CHST4: variants seen among roughly 807,000 people sequenced by gnomAD.
CHST4 encodes carbohydrate sulfotransferase 4, also known as GST-3.
For missense variants in CHST4, 466 were observed against 506.0 expected (o/e 0.92, Z 0.76); for synonymous variants, 171 against 195.5 (o/e 0.87, Z 1.05).
intron 1 of CHST4, among the ~76,000 whole-genome samples, chr16:71,535,875 G>A (rs1158293460): frequency 6.6e-6 from 1 of 152,148 alleles, no homozygotes; most frequent in African/African-American, 2.4e-5. Context: ...TGGTCCCATG[G>A]GATGACACCA....
intron 1 of CHST4, among the ~76,000 whole-genome samples, chr16:71,534,125 C>A (rs2043969374): frequency 6.6e-6 from 1 of 151,780 alleles, no homozygotes; most frequent in South Asian, 2.1e-4. Context: ...GGCTGGCAGG[C>A]ACTCCTTTCC....
chr16:71,533,205 A>G (rs887382030), intron 1 of CHST4, among the ~76,000 whole-genome samples: 2 of 152,076 alleles, frequency 1.3e-5, no homozygotes, highest in African/African-American at 4.8e-5. Context: ...CGGGCAGACA[A>G]CTTGAGGTCA....
In CHST4 at chr16:71,537,822, C is replaced by T. The variant is rs2044004825; in HGVS notation, c.1145C>T (p.Pro382Leu). ...GATCTTCTGTCTACCTGGACTGTCC[C>T]TGAGCAAATCCACTAAGAGGGTTGA... ...LLDLLSTWTV[P>L]EQIH Residue 382 changes from proline to leucine, a missense_variant, in exon 2 of 2, where the codon CCT becomes CTT. By Grantham distance (98) the Pro-to-Leu change is moderately conservative. Coordinates refer to ENST00000539698, the MANE Select transcript of CHST4 (RefSeq NM_001166395.2). This position sits in a 1 kb window ranked among gnomAD's most constrained non-coding sequence, Gnocchi z 4.2. 1 of 1,611,068 alleles carries T rather than the reference C, an allele frequency of 6.2e-7. No individual in the cohort carries two copies. The highest frequency in any genetic ancestry group is 8.5e-7 in the Non-Finnish European group (1 of 1,178,856).
rs2044009240 is a variant in CHST4 at position 71,538,294 on chromosome 16, G to A, written c.*456G>A. The A allele has an allele frequency of 5.7e-6, 1 of 175,230 alleles. No individual in the cohort carries two copies. Among genetic ancestry groups the A allele is most frequent in the Non-Finnish European group, 1.4e-5 (1 of 73,218 alleles). 10.9% of individuals were successfully genotyped at this position (175,230 alleles called of 1,614,324 possible). ...GGAGTTCCCAGTGGATTCAAGGAAG[G>A]AAGTGGGAACAAGGTTGGATGCCTA... On this transcript the variant is annotated 3_prime_UTR_variant, in exon 2 of 2. Transcript: ENST00000539698.
At chr16:71,532,539 C>T (rs1488715874) in intron 1 of CHST4, among the ~76,000 whole-genome samples, 2 of 152,194 alleles carry the variant, frequency 1.3e-5, no homozygotes, top group Non-Finnish European at 2.9e-5. Flanking sequence ...GCTATTGCCA[C>T]CCAAGGTTTG....
chr16:71,532,264 G>A (rs1047572853), intron 1 of CHST4, among the ~76,000 whole-genome samples: 3 of 151,978 alleles, frequency 2.0e-5, no homozygotes, highest in Non-Finnish European at 4.4e-5. Context: ...AGCCAGGATG[G>A]TCTCGATCTC....
At position 71,536,809 on chromosome 16, in the gene CHST4, C is replaced by G; in HGVS notation, c.132C>G (p.His44Gln). 1 of 1,531,800 alleles carries G rather than the reference C, an allele frequency of 6.5e-7. No individual in the cohort carries two copies. The allele number at this position is 1,531,800 out of a possible 1,614,324, so 94.9% of individuals were successfully genotyped here. The change falls in exon 2 of 2, where the codon CAC becomes CAG. Residue 44 changes from histidine (H) to glutamine (Q), a missense_variant. His to Gln is a conservative substitution (Grantham distance 24, BLOSUM62 0). Transcript: ENST00000539698. ...LSMKAQPERM[H>Q]VLVLSSWRSG... ...TGAAGGCACAGCCCGAGCGCATGCA[C>G]GTGCTGGTTCTGTCTTCCTGGCGCT...
intron 1 of CHST4, among the ~76,000 whole-genome samples, chr16:71,528,105 G>A (rs1449566681): frequency 6.6e-6 from 1 of 151,958 alleles, no homozygotes; most frequent in Non-Finnish European, 1.5e-5. Context: ...GCAAAACCAT[G>A]TCTGTACTAA....
At position 71,537,553 on chromosome 16, in the gene CHST4, A is replaced by G. The variant is rs775192453; in HGVS notation, c.876A>G (p.Glu292=). The change falls in exon 2 of 2, where the codon GAA becomes GAG. Residue 292 remains glutamate, a synonymous_variant. Coordinates refer to ENST00000539698, the MANE Select transcript of CHST4 (RefSeq NM_001166395.2). The surrounding 1 kb of genome is among the most constrained non-coding windows in gnomAD (Gnocchi z 4.2). ...APVAQTSRMY[E]FVGLEFLPHL... ...TGGCCCAGACTTCCCGAATGTATGAATTCGTGGGATTGGAATTCTTGCCCC... is the reference window on the plus strand; with the variant it reads ...TGGCCCAGACTTCCCGAATGTATGAGTTCGTGGGATTGGAATTCTTGCCCC... 6.2e-7 allele frequency: 1 copy of G among 1,614,062 alleles called. No individual in the cohort carries two copies. The highest frequency in any genetic ancestry group is 8.5e-7 in the Non-Finnish European group (1 of 1,180,044).
intron 1 of CHST4, among the ~76,000 whole-genome samples, chr16:71,533,689 T>C (rs544202022): frequency 3.3e-4 from 50 of 152,268 alleles, no homozygotes; most frequent in Admixed American, 5.2e-4. Flanking sequence ...CAAATAGCTC[T>C]AGAAGTTTCC....
intron 1 of CHST4, among the ~76,000 whole-genome samples, chr16:71,528,952 T>A (rs1404450133): frequency 6.6e-6 from 1 of 152,194 alleles, no homozygotes; most frequent in East Asian, 1.9e-4. Flanking sequence ...TTCAAGTTCC[T>A]AAGGTTCTCT....
rs375158065 is a variant in CHST4 at position 71,537,457 on chromosome 16, C to A, written c.780C>A (p.Ile260=). The change falls in exon 2 of 2, where the codon ATC becomes ATA. Residue 260 remains isoleucine, a synonymous_variant. Transcript: ENST00000539698. The surrounding 1 kb of genome is among the most constrained non-coding windows in gnomAD (Gnocchi z 4.2). ...CQSQLEIYKT[I]QSLPKALQER... ...GCCAGCTGGAGATCTACAAGACCAT[C>A]CAGTCCTTGCCCAAGGCCCTGCAGG... 1.9e-6 allele frequency: 3 copies of A among 1,614,074 alleles called. No homozygotes were observed. Among genetic ancestry groups the A allele is most frequent in the African/African-American group, 1.3e-5 (1 of 74,928 alleles).
intron 1 of CHST4, among the ~76,000 whole-genome samples, chr16:71,527,797 G>A (rs2145200347): frequency 6.6e-6 from 1 of 152,220 alleles, no homozygotes; most frequent in East Asian, 1.9e-4. Flanking sequence ...AGGCTGGAGT[G>A]CAGTGGTGCG....
rs796066755 is a variant in CHST4, at chr16:71,531,234, C to T, written c.-19+4739C>T. On this transcript the variant is annotated intron_variant, in intron 1 of 1. Coordinates refer to ENST00000539698, the MANE Select transcript of CHST4 (RefSeq NM_001166395.2). The stretch of plus-strand genomic sequence containing the variant: ...GGATTCGAGGACACTATTGAAGAGT[C>T]TCCTTCCATGAAGCGCCCTGGTGAC... Among the ~76,000 whole-genome samples the T allele has an allele frequency of 3.9e-5, 6 of 152,270 alleles. 1 individual carries two copies. Among genetic ancestry groups the T allele is most frequent in the African/African-American group, 1.4e-4 (6 of 41,566 alleles).
intron 1 of CHST4, among the ~76,000 whole-genome samples, chr16:71,531,887 A>C (rs1373359584): frequency 6.6e-6 from 1 of 151,786 alleles, no homozygotes; most frequent in Non-Finnish European, 1.5e-5. Flanking sequence ...TCTCATACTC[A>C]CATTGCCCTT....
intron 1 of CHST4, among the ~76,000 whole-genome samples, chr16:71,528,834 T>C (rs1275465445): frequency 6.6e-6 from 1 of 152,196 alleles, no homozygotes. Flanking sequence ...GGGACATCTA[T>C]AATTCAGCCC....
intron 1 of CHST4, among the ~76,000 whole-genome samples, chr16:71,530,664 G>A (rs569847261): frequency 6.6e-6 from 1 of 152,210 alleles, no homozygotes; most frequent in East Asian, 1.9e-4. Flanking sequence ...CTACTGGGGA[G>A]GCTGAGACAG....
chr16:71,537,273 A>T lies in CHST4; in HGVS notation c.596A>T (p.His199Leu). The change falls in exon 2 of 2, where the codon CAT becomes CTT. Residue 199 changes from histidine to leucine, a missense_variant. His to Leu is a moderately conservative substitution (Grantham distance 99, BLOSUM62 -3). Transcript: ENST00000539698. The surrounding 1 kb of genome is among the most constrained non-coding windows in gnomAD (Gnocchi z 4.2). ...CTGAAAGACCCCTCCCTCAACCTGC[A>T]TATCGTGCACCTGGTCCGGGACCCC... is the stretch of plus-strand genomic sequence containing the variant. ...PLLKDPSLNL[H>L]IVHLVRDPRA... The T allele has an allele frequency of 6.2e-7, 1 of 1,614,108 alleles. No individual in the cohort carries two copies. Among genetic ancestry groups the T allele is most frequent in the African/African-American group, 1.3e-5 (1 of 75,020 alleles).
At chr16:71,528,164 C>T (rs186310937) in intron 1 of CHST4, among the ~76,000 whole-genome samples, 4 of 149,634 alleles carry the variant, frequency 2.7e-5, no homozygotes, top group Admixed American at 1.3e-4. Context: ...GCAGGAGAAG[C>T]GCTTGAACCT....
Sources: allele counts gnomAD v4.1 joint callset (sites outside exome capture counted in the v4.1 genomes callset), GRCh38; gene constraint gnomAD v4.1.1; non-coding constraint Gnocchi (gnomAD v3.1); transcripts MANE v1.5; gene names NCBI Gene and HGNC (gene_info 2026-07-23, HGNC 2026-07-21).